Variants in SART3 observed in about 807,000 individuals in gnomAD.
The protein encoded by SART3 is spliceosome associated factor 3, U4/U6 recycling protein.
A neutral mutation model predicts 122.3 loss-of-function variants in SART3; 44 were observed. That is an observed-to-expected ratio of 0.36 (90% CI 0.28 to 0.46). The LOEUF (loss-of-function observed/expected upper bound fraction) is 0.46. Ranked by LOEUF, SART3 falls within the 20% of genes least tolerant of loss-of-function variation. The pLI is 1.00. For missense variants in SART3, 1,101 were observed against 1,229.0 expected (o/e 0.90, Z 1.56); for synonymous variants, 442 against 454.0 (o/e 0.97, Z 0.34).
At chr12:108,542,122 T>A (rs1206117779) in intron 6 of SART3, among the ~76,000 whole-genome samples, 2 of 150,132 alleles carry the variant, frequency 1.3e-5, no homozygotes, top group African/African-American at 4.9e-5. Context: ...GCTGGGATTA[T>A]AGGCATAAGC....
intron 16 of SART3, 34 bp from the exon 17 acceptor site, chr12:108,525,643 A>T (rs774751568): frequency 1.2e-6 from 2 of 1,611,076 alleles, no homozygotes; most frequent in Middle Eastern, 1.7e-4. Flanking sequence ...AAAAACCATG[A>T]TTCGAGGCAT....
chr12:108,543,015 A>T lies in SART3; in HGVS notation c.906+13T>A. Reference sequence around the variant, plus strand: ...GTAGAGAGACGTTTACTATAAAAGAAGCCAACACTTACCAGTGCTTCTTCA... The same window carrying T: ...GTAGAGAGACGTTTACTATAAAAGATGCCAACACTTACCAGTGCTTCTTCA... On this transcript the variant is annotated intron_variant, in intron 6 of 18. Coordinates refer to ENST00000546815, the MANE Select transcript of SART3 (RefSeq NM_014706.4). 1 of 1,614,232 alleles carries T rather than the reference A, an allele frequency of 6.2e-7. No individual in the cohort carries two copies. The highest frequency in any genetic ancestry group is 1.1e-5 in the South Asian group (1 of 91,090).
chr12:108,523,885 A>G (rs1872247951), intron 18 of SART3: 1 of 595,772 alleles, frequency 1.7e-6, no homozygotes, highest in East Asian at 2.8e-5. Context: ...CAGTGTGACT[A>G]TCACCTCTCA....
In SART3 at chr12:108,544,453, C is replaced by T. The variant is rs140553109; in HGVS notation, c.755G>A (p.Arg252Gln). Residue 252 changes from arginine to glutamine, a missense_variant, in exon 5 of 19, where the codon CGG (arginine) becomes CAG (glutamine). Arg to Gln is a conservative substitution (Grantham distance 43, BLOSUM62 1). Transcript: ENST00000546815. ...ATAGAGTGGGATCGCCAACTGTCGC[C>T]GGAAAAGACTGTGGACTTTCTCAAG... ...ARLEKVHSLFRRQLAIPLYDM... is the reference protein window; with the variant it reads ...ARLEKVHSLFQRQLAIPLYDM... The T allele has an allele frequency of 3.2e-4, 519 of 1,614,038 alleles. 3 individuals are homozygous for T. Among genetic ancestry groups the T allele is most frequent in the Non-Finnish European group, 6.5e-5 (77 of 1,180,038 alleles).
chr12:108,545,897 G>T (rs950463226), intron 3 of SART3, among the ~76,000 whole-genome samples: 4 of 148,100 alleles, frequency 2.7e-5, no homozygotes, highest in South Asian at 2.2e-4. Context: ...ACCTGGGTAG[G>T]GGGGAGGTTG....
chr12:108,545,468 A>G (rs1485188011), intron 3 of SART3, 145 bp from the exon 4 acceptor site: 4 of 735,628 alleles, frequency 5.4e-6, no homozygotes, highest in Non-Finnish European at 9.5e-6. Flanking sequence ...AGAGATGACC[A>G]TAAAGGACTA....
chr12:108,556,644 T>A (rs1486642430), intron 1 of SART3, among the ~76,000 whole-genome samples: 1 of 152,234 alleles, frequency 6.6e-6, no homozygotes, highest in Admixed American at 6.5e-5. Context: ...TGTTTCCTCA[T>A]CTGTACCATG....
chr12:108,550,594 G>A (rs2029965130), intron 1 of SART3, among the ~76,000 whole-genome samples: 1 of 152,144 alleles, frequency 6.6e-6, no homozygotes. Context: ...TGGGCATGGT[G>A]GCTCACACCT....
At chr12:108,525,031 G>A (rs538761595) in intron 17 of SART3, among the ~76,000 whole-genome samples, 1 of 152,326 alleles carries the variant, frequency 6.6e-6, no homozygotes, top group African/African-American at 2.4e-5. Flanking sequence ...GAGACTGAGG[G>A]GGCAAGAAGG....
At chr12:108,545,381 G>A in intron 3 of SART3, 58 bp from the exon 4 acceptor site, 1 of 1,562,924 alleles carries the variant, frequency 6.4e-7, no homozygotes, top group Non-Finnish European at 8.8e-7. Flanking sequence ...TATCAAAACT[G>A]ATGCATAACA....
chr12:108,548,459 C>T (rs1000820576), intron 2 of SART3, among the ~76,000 whole-genome samples: 4 of 152,210 alleles, frequency 2.6e-5, no homozygotes, highest in African/African-American at 9.6e-5. Context: ...TAAGGTCACA[C>T]AGCTAGTAAA....
intron 1 of SART3, among the ~76,000 whole-genome samples, chr12:108,550,369 A>T (rs2029956786): frequency 6.6e-6 from 1 of 152,214 alleles, no homozygotes; most frequent in South Asian, 2.1e-4. Context: ...TATGTAATGG[A>T]ACAAACATTG....
intron 17 of SART3, chr12:108,524,828 G>A (rs1316674239): frequency 4.9e-6 from 2 of 408,190 alleles, no homozygotes; most frequent in African/African-American, 2.0e-5. Flanking sequence ...AATAAACCAA[G>A]AGGTGGATGG....
At chr12:108,560,536 C>T (rs569297312) in intron 1 of SART3, 218 of 427,380 alleles carry the variant, frequency 5.1e-4, no homozygotes, top group South Asian at 2.1e-4. Flanking sequence ...AAGTACAAGG[C>T]CTGACTTGCA....
chr12:108,559,664 C>CAAAAA (rs35159668), intron 1 of SART3, among the ~76,000 whole-genome samples: 2 of 79,760 alleles, frequency 2.5e-5, no homozygotes, highest in African/African-American at 4.8e-5. Flanking sequence ...GACTCTGTCT[C>CAAAAA]AAAAAAAAAA....
chr12:108,546,817 G>A (rs1019882580), intron 3 of SART3, among the ~76,000 whole-genome samples: 3 of 152,078 alleles, frequency 2.0e-5, no homozygotes, highest in African/African-American at 7.2e-5. Flanking sequence ...CACCATGCCT[G>A]GCCTTAAAAT....
chr12:108,546,671 T>G (rs994233548), intron 3 of SART3, among the ~76,000 whole-genome samples: 5 of 152,070 alleles, frequency 3.3e-5, no homozygotes, highest in African/African-American at 9.6e-5. Flanking sequence ...CAGGCCTGCA[T>G]GCCACCCCGC....
chr12:108,527,358 T>A (rs1872430319), intron 15 of SART3, among the ~76,000 whole-genome samples: 1 of 152,210 alleles, frequency 6.6e-6, no homozygotes, highest in African/African-American at 2.4e-5. Context: ...GTACTAACAT[T>A]GGCTCCTCCC....
At chr12:108,523,932 C>T in intron 18 of SART3, 1 of 570,714 alleles carries the variant, frequency 1.8e-6, no homozygotes, top group Non-Finnish European at 3.1e-6. Flanking sequence ...GCTATCTCCT[C>T]CTCATCCCAA....
Sources: allele counts gnomAD v4.1 joint callset (sites outside exome capture counted in the v4.1 genomes callset), GRCh38; gene constraint gnomAD v4.1.1; transcripts MANE v1.5; gene names NCBI Gene and HGNC (gene_info 2026-07-23, HGNC 2026-07-21).